The following ABCG2 variants were observed in gnomAD, a reference collection of about 807,000 sequenced individuals.
The protein encoded by ABCG2 is broad substrate specificity ATP-binding cassette transporter ABCG2.
Under a neutral mutation model 73.5 loss-of-function variants are expected in ABCG2, and 80 were observed. The ratio of observed to expected loss-of-function variants is 1.09; its 90% CI spans 0.91 to 1.31. ABCG2 has a LOEUF of 1.31. ABCG2 is among the 50% of genes most tolerant of loss of function. The pLI is 0.00. For missense variants in ABCG2, 796 were observed against 786.2 expected, an observed-to-expected ratio of 1.01 and a Z score of -0.15; for synonymous variants, 269 against 282.4, an observed-to-expected ratio of 0.95 and a Z score of 0.48.
At chr4:88,214,355 T>C (rs961744886) in intron 1 of ABCG2, among the ~76,000 whole-genome samples, 3 of 152,114 alleles carry the variant, frequency 2.0e-5, no homozygotes, top group Non-Finnish European at 2.9e-5. Context: ...TTTTGTTCTC[T>C]TTTACAACAA....
chr4:88,189,391 C>G (rs2127861), intron 1 of ABCG2, among the ~76,000 whole-genome samples: 127,961 of 151,996 alleles, frequency 0.84, 54,035 homozygotes, highest in East Asian at 1. Context: ...GCACATGCTT[C>G]TATTCCTAGC....
intron 5 of ABCG2, among the ~76,000 whole-genome samples, chr4:88,123,548 G>A (rs924220499): frequency 4.0e-5 from 6 of 151,884 alleles, no homozygotes; most frequent in East Asian, 1.9e-4. Context: ...TCAATCAAGC[G>A]GAAGAAAGGA....
At chr4:88,183,040 G>A (rs866548829) in intron 1 of ABCG2, among the ~76,000 whole-genome samples, 13 of 133,620 alleles carry the variant, frequency 9.7e-5, no homozygotes, top group Non-Finnish European at 1.8e-4. Context: ...AGCCGAGATC[G>A]CACCACTGCA....
chr4:88,138,723 TG>T (rs1335094916), intron 2 of ABCG2, among the ~76,000 whole-genome samples: 7 of 152,210 alleles, frequency 4.6e-5, no homozygotes, highest in Non-Finnish European at 8.8e-5. Context: ...CAACCCCTGA[TG>T]ACCTTTCCAC....
intron 1 of ABCG2, among the ~76,000 whole-genome samples, chr4:88,218,157 T>C (rs4693936): frequency 0.33 from 49,712 of 151,922 alleles, 8,638 homozygotes; most frequent in Middle Eastern, 0.46. Context: ...TCTTCAAATA[T>C]TTGCTCAAAT....
At chr4:88,161,395 C>T (rs1298057107), upstream of ABCG2, among the ~76,000 whole-genome samples, 6 of 69,180 alleles carry the variant, frequency 8.7e-5, no homozygotes, top group African/African-American at 3.4e-4. Flanking sequence ...TTGTTCAATT[C>T]CCACCTATGA....
chr4:88,219,645 G>A (rs1320493854), intron 1 of ABCG2, among the ~76,000 whole-genome samples: 3 of 139,966 alleles, frequency 2.1e-5, no homozygotes, highest in Non-Finnish European at 4.5e-5. Flanking sequence ...GCAATGGCGC[G>A]ATCTCCGCTC....
chr4:88,207,652 C>T (rs1442269549), intron 1 of ABCG2, among the ~76,000 whole-genome samples: 3 of 152,124 alleles, frequency 2.0e-5, no homozygotes, highest in Admixed American at 1.3e-4. Flanking sequence ...TCAAGCAGTC[C>T]TCCTGCCTCA....
At chr4:88,168,153 A>T (rs1727617021) in intron 1 of ABCG2, among the ~76,000 whole-genome samples, 1 of 152,118 alleles carries the variant, frequency 6.6e-6, no homozygotes, top group Admixed American at 6.6e-5. Context: ...TGCTTTATAC[A>T]GCAGACAAGA....
intron 1 of ABCG2, among the ~76,000 whole-genome samples, chr4:88,225,357 T>G (rs1730169304): frequency 6.6e-6 from 1 of 152,172 alleles, no homozygotes; most frequent in Non-Finnish European, 1.5e-5. Flanking sequence ...GGCAGTAGTT[T>G]GCCAACCCCT....
intron 1 of ABCG2, among the ~76,000 whole-genome samples, chr4:88,195,904 T>C (rs1388499441): frequency 2.0e-4 from 31 of 152,224 alleles, no homozygotes. Context: ...GGAGGCCATA[T>C]ACCAGTTAAA....
At chr4:88,143,623 T>C (rs1725784302) in intron 1 of ABCG2, among the ~76,000 whole-genome samples, 1 of 152,102 alleles carries the variant, frequency 6.6e-6, no homozygotes, top group African/African-American at 2.4e-5. Context: ...TTTCCTGTGA[T>C]AGGATTAAAT....
intron 1 of ABCG2, among the ~76,000 whole-genome samples, chr4:88,174,231 G>A (rs1727867674): frequency 6.6e-6 from 1 of 151,516 alleles, no homozygotes; most frequent in African/African-American, 2.4e-5. Flanking sequence ...GTATACACAT[G>A]CCATGGTGGT....
At chr4:88,096,506 C>T (rs1189613329) in intron 13 of ABCG2, among the ~76,000 whole-genome samples, 1 of 152,092 alleles carries the variant, frequency 6.6e-6, no homozygotes, top group Non-Finnish European at 1.5e-5. Flanking sequence ...ATAAACAAGC[C>T]TATCACTTCC....
chr4:88,157,164 G>A (rs1370033831), intron 1 of ABCG2, among the ~76,000 whole-genome samples: 1 of 152,154 alleles, frequency 6.6e-6, no homozygotes. Context: ...TTACTTCTGT[G>A]ACATTTTTCC....
intron 1 of ABCG2, among the ~76,000 whole-genome samples, chr4:88,216,693 C>T (rs915376617): frequency 6.6e-6 from 1 of 152,190 alleles, no homozygotes; most frequent in Admixed American, 6.5e-5. Context: ...ATGAAAGGAA[C>T]AGCCTTTTAT....
At chr4:88,202,700 C>T (rs1729232814) in intron 1 of ABCG2, among the ~76,000 whole-genome samples, 1 of 151,620 alleles carries the variant, frequency 6.6e-6, no homozygotes. Context: ...TCTCCGGGGA[C>T]CCCTTTATAC....
At chr4:88,165,057 G>C (rs1443088025) in intron 1 of ABCG2, among the ~76,000 whole-genome samples, 1 of 152,174 alleles carries the variant, frequency 6.6e-6, no homozygotes, top group African/African-American at 2.4e-5. Flanking sequence ...GGGATTATAG[G>C]TGTGAGCCAC....
intron 5 of ABCG2, among the ~76,000 whole-genome samples, chr4:88,123,651 A>G (rs1279988235): frequency 6.6e-6 from 1 of 152,176 alleles, no homozygotes; most frequent in African/African-American, 2.4e-5. Context: ...AGCCTTCAAG[A>G]AATATGGGAC....
Sources: gnomAD v4.1 joint callset for allele counts (sites outside exome capture counted in the v4.1 genomes callset) on GRCh38, gnomAD v4.1.1 for gene constraint, MANE v1.5 for transcripts, NCBI Gene and HGNC (gene_info 2026-07-23, HGNC 2026-07-21) for gene names.